Variants in DENND5B observed in about 807,000 individuals in gnomAD.
DENND5B encodes the protein DENN domain-containing protein 5B.
DENND5B carries 34 observed loss-of-function variants against 140.6 expected under a neutral mutation model. That is an observed-to-expected ratio of 0.24 (90% confidence interval 0.18 to 0.32). The LOEUF (loss-of-function observed/expected upper bound fraction) is 0.32. DENND5B is among the 10% of genes least tolerant of loss of function. The pLI is 1.00. For missense variants in DENND5B, 1,142 were observed against 1,560.2 expected, an observed-to-expected ratio of 0.73 and a Z score of 4.52; for synonymous variants, 551 against 562.1, an observed-to-expected ratio of 0.98 and a Z score of 0.28.
chr12:31,411,424 AACTT>A (rs1942457089), intron 13 of DENND5B, among the ~76,000 whole-genome samples: 1 of 146,690 alleles, frequency 6.8e-6, no homozygotes, highest in Non-Finnish European at 1.5e-5. Context: ...GGCTCACTGC[AACTT>A]CCGCCTCCTG....
chr12:31,415,531 G>A (rs905900975), intron 11 of DENND5B, 83 bp from the exon 12 acceptor site: 139 of 1,125,378 alleles, frequency 1.2e-4, no homozygotes, highest in African/African-American at 1.9e-4. Context: ...AAACTGCTTC[G>A]ATAAGAACAA....
chr12:31,406,922 C>T (rs944932933), intron 14 of DENND5B, among the ~76,000 whole-genome samples: 1 of 151,690 alleles, frequency 6.6e-6, no homozygotes, highest in African/African-American at 2.4e-5. Context: ...ACATCAGCCT[C>T]CTGAGTAGGT....
At chr12:31,450,108 C>T (rs77869298) in intron 5 of DENND5B, among the ~76,000 whole-genome samples, 1,752 of 152,288 alleles carry the variant, frequency 0.012, 23 homozygotes, top group African/African-American at 0.04. Context: ...TAAGGGCATA[C>T]ACTTAAAGAA....
chr12:31,566,437 A>T (rs1949634280), intron 1 of DENND5B, among the ~76,000 whole-genome samples: 1 of 151,712 alleles, frequency 6.6e-6, no homozygotes, highest in African/African-American at 2.4e-5. Context: ...GGTAAAACAG[A>T]TATATATATA....
chr12:31,388,308 T>C (rs893981917), intron 20 of DENND5B, among the ~76,000 whole-genome samples: 3 of 151,700 alleles, frequency 2.0e-5, no homozygotes, highest in African/African-American at 7.3e-5. Flanking sequence ...TTAAGTAGAT[T>C]TTATAAACCA....
In DENND5B at chr12:31,454,878, G is replaced by T. The variant is rs1012937824; in HGVS notation, c.1093-2402C>A. On this transcript the variant is annotated intron_variant, in intron 4 of 20. Transcript: ENST00000389082. The stretch of plus-strand genomic sequence containing the variant: ...CTGTTGCCCAGGCTGGAGTGCAGTG[G>T]TGCGATCTTGGCTCACTGCAACCTC... 4.2e-5 allele frequency among the ~76,000 whole-genome samples: 6 copies of T among 142,262 alleles called. No homozygotes were observed. The East Asian group carries it at 1.3e-3, about 30-fold the overall frequency. 93.3% of individuals were successfully genotyped at this position (142,262 alleles called of 152,430 possible).
chr12:31,590,828 C>G lies in DENND5B; in HGVS notation c.5G>C (p.Ser2Thr). The G allele has an allele frequency of 7.9e-7, 1 of 1,264,846 alleles. No homozygotes were observed. 78.4% of individuals were successfully genotyped at this position (1,264,846 alleles called of 1,614,324 possible). ...CGGGCCGGGCGCCGCGCAGCTCCCG[C>G]TCATCCCGGCCGCGCTGCTCCAGGG... M[S>T]GSCAAPGPGS... The change falls in exon 1 of 21, where the codon AGC (serine) becomes ACC (threonine). Residue 2 changes from serine (S) to threonine (T), a missense_variant. Transcript: ENST00000389082.
At chr12:31,402,277 T>C (rs1390802278) in intron 15 of DENND5B, among the ~76,000 whole-genome samples, 1 of 152,004 alleles carries the variant, frequency 6.6e-6, no homozygotes, top group Non-Finnish European at 1.5e-5. Flanking sequence ...CCAAAGCACA[T>C]CATTACAAGT....
chr12:31,411,336 CTTTTTTTTTTTT>C (rs143130029), intron 13 of DENND5B, among the ~76,000 whole-genome samples: 2 of 62,092 alleles, frequency 3.2e-5, no homozygotes, highest in African/African-American at 1.2e-4. Flanking sequence ...CACGCCCGGC[CTTTTTTTTTTTT>C]TTTTTTTTTT....
chr12:31,413,411 A>C, intron 13 of DENND5B, 25 bp downstream of exon 13: 1 of 1,602,244 alleles, frequency 6.2e-7, no homozygotes, highest in Non-Finnish European at 8.5e-7. Context: ...ATAGAAACAG[A>C]AATGTATCAA....
intron 4 of DENND5B, among the ~76,000 whole-genome samples, chr12:31,459,480 G>A (rs1017564875): frequency 6.6e-6 from 1 of 151,968 alleles, no homozygotes; most frequent in African/African-American, 2.4e-5. Flanking sequence ...TAGTAGAGAT[G>A]GGTTTCATCA....
chr12:31,516,477 CA>C (rs58069719), intron 1 of DENND5B, among the ~76,000 whole-genome samples: 406 of 68,666 alleles, frequency 5.9e-3, no homozygotes, highest in East Asian at 0.011. Context: ...GACCCTGTCT[CA>C]AAAAAAAAAA....
At chr12:31,494,220 C>G (rs1378610566) in intron 2 of DENND5B, among the ~76,000 whole-genome samples, 8 of 36,794 alleles carry the variant, frequency 2.2e-4, no homozygotes, top group Non-Finnish European at 4.4e-4. Flanking sequence ...ACCTACCTAC[C>G]TCTACCTACC....
At chr12:31,583,738 T>C (rs546920354) in intron 1 of DENND5B, among the ~76,000 whole-genome samples, 39 of 152,098 alleles carry the variant, frequency 2.6e-4, no homozygotes, top group Non-Finnish European at 5.6e-4. Flanking sequence ...TAGCACAGTG[T>C]CTGGCATGTG....
intron 1 of DENND5B, among the ~76,000 whole-genome samples, chr12:31,502,039 G>A (rs756570850): frequency 2.2e-4 from 33 of 151,960 alleles, no homozygotes; most frequent in Non-Finnish European, 4.1e-4. Flanking sequence ...CAATCTTGCC[G>A]GGCGCAGTGG....
chr12:31,387,400 G>A lies in DENND5B; in HGVS notation c.*203C>T. 2.0e-6 allele frequency: 1 copy of A among 501,656 alleles called. No individual in the cohort carries two copies. The highest frequency in any genetic ancestry group is 3.1e-5 in the East Asian group (1 of 32,104). The allele number at this position is 501,656 out of a possible 1,614,324, so 31.1% of individuals were successfully genotyped here. ...GCATATTTACACACATCTAACACAT[G>A]AAAATACTCTATTTTATACTAAATT... is the stretch of plus-strand genomic sequence containing the variant. On this transcript the variant is annotated 3_prime_UTR_variant, in exon 21 of 21. Coordinates refer to ENST00000389082, the MANE Select transcript of DENND5B (RefSeq NM_144973.4).
At chr12:31,560,714 G>A (rs1949444969) in intron 1 of DENND5B, among the ~76,000 whole-genome samples, 1 of 152,098 alleles carries the variant, frequency 6.6e-6, no homozygotes, top group African/African-American at 2.4e-5. Flanking sequence ...GGCCTCCTGT[G>A]GCTTCCCCTT....
At chr12:31,464,517 C>T (rs1945167021) in intron 3 of DENND5B, among the ~76,000 whole-genome samples, 1 of 152,084 alleles carries the variant, frequency 6.6e-6, no homozygotes, top group Non-Finnish European at 1.5e-5. Context: ...CTCTCTTCCC[C>T]AATACCCCAT....
intron 2 of DENND5B, among the ~76,000 whole-genome samples, chr12:31,487,798 T>C (rs1018025079): frequency 1.3e-5 from 2 of 152,214 alleles, no homozygotes; most frequent in African/African-American, 2.4e-5. Flanking sequence ...AAGGGATAAT[T>C]TGAATTATTC....
Sources: gnomAD v4.1 joint callset for allele counts (sites outside exome capture counted in the v4.1 genomes callset) on GRCh38, gnomAD v4.1.1 for gene constraint, MANE v1.5 for transcripts, NCBI Gene and HGNC (gene_info 2026-07-23, HGNC 2026-07-21) for gene names.